Variants in NALF1 observed in about 807,000 individuals in gnomAD.
NALF1 encodes the protein NALCN channel auxiliary factor 1.
In NALF1, 3 loss-of-function variants were observed where a neutral mutation model predicts 48.4. That is an observed-to-expected ratio of 0.06 (90% CI 0.03 to 0.16). The LOEUF is 0.16. Ranked by LOEUF, NALF1 falls within the 10% of genes least tolerant of loss-of-function variation. The pLI is 1.00. For missense variants in NALF1, 526 were observed against 571.5 expected, an observed-to-expected ratio of 0.92 and a Z score of 0.81; for synonymous variants, 262 against 245.7, an observed-to-expected ratio of 1.07 and a Z score of -0.62.
intron 2 of NALF1, among the ~76,000 whole-genome samples, chr13:107,180,567 G>A (rs1879039841): frequency 6.6e-6 from 1 of 151,636 alleles, no homozygotes. Flanking sequence ...TTTTTCATCT[G>A]AAAAAAGAAG....
At chr13:107,399,980 A>G (rs1435814219) in intron 1 of NALF1, among the ~76,000 whole-genome samples, 3 of 152,200 alleles carry the variant, frequency 2.0e-5, no homozygotes, top group African/African-American at 4.8e-5. Flanking sequence ...TTCATTACAA[A>G]CAATCAGACA....
rs139917009 is a variant in NALF1, at chr13:107,170,510, G to C, written c.1364C>G (p.Thr455Ser). The change falls in exon 3 of 3, where the codon ACC becomes AGC. Residue 455 changes from threonine (T) to serine (S), a missense_variant. Physicochemically the swap from Thr to Ser is moderately conservative, Grantham distance 58. This residue lies in a region of NALF1 where 153 missense variants were observed against 215.9 expected (regional missense o/e 0.71). Coordinates refer to ENST00000375915, the MANE Select transcript of NALF1 (RefSeq NM_001080396.3). Reference sequence around the variant, plus strand: ...CTCGTCCTTCCGTTACTCCTCATTGGTTGAGTTTTCTTCCAGCGTGTTGAT... The same window carrying C: ...CTCGTCCTTCCGTTACTCCTCATTGCTTGAGTTTTCTTCCAGCGTGTTGAT... ...GGINTLEENSTNEE is the reference protein window; with the variant it reads ...GGINTLEENSSNEE The C allele has an allele frequency of 1.8e-5, 29 of 1,600,298 alleles. No individual in the cohort carries two copies. The highest frequency in any genetic ancestry group is 2.3e-5 in the Non-Finnish European group (27 of 1,171,156).
intron 1 of NALF1, among the ~76,000 whole-genome samples, chr13:107,540,875 G>C (rs1294298591): frequency 1.3e-5 from 2 of 152,104 alleles, no homozygotes; most frequent in Non-Finnish European, 2.9e-5. Context: ...ATTTAGAAAA[G>C]AGTAGATTCT....
chr13:107,255,108 CAT>C lies in NALF1; in HGVS notation c.916-44355_916-44354del, dbSNP rs776329443. ...AGGATCATAAGTGGTACATGGGAAACATGTGTCCATTTCACTTACAGACCTGC... is the reference window on the plus strand; with the variant it reads ...AGGATCATAAGTGGTACATGGGAAACGTGTCCATTTCACTTACAGACCTGC... On this transcript the variant is annotated intron_variant, in intron 1 of 2. Coordinates refer to ENST00000375915, the MANE Select transcript of NALF1 (RefSeq NM_001080396.3). Among the ~76,000 whole-genome samples, 13 of 152,278 alleles carry C rather than the reference CAT, an allele frequency of 8.5e-5. No individual in the cohort carries two copies. In the South Asian group the frequency reaches 1.0e-3, roughly 12 times the overall value.
chr13:107,713,836 A>T (rs1158452252), intron 1 of NALF1, among the ~76,000 whole-genome samples: 1 of 152,246 alleles, frequency 6.6e-6, no homozygotes, highest in Non-Finnish European at 1.5e-5. Context: ...CCTAATGCGC[A>T]AGTACAGCTC....
intron 1 of NALF1, among the ~76,000 whole-genome samples, chr13:107,520,963 A>G (rs183912981): frequency 6.6e-6 from 1 of 152,274 alleles, no homozygotes; most frequent in East Asian, 1.9e-4. Context: ...GTACCCAGTG[A>G]TCTATGCTTT....
chr13:107,311,899 C>A (rs7981369), intron 1 of NALF1, among the ~76,000 whole-genome samples: 37,759 of 151,768 alleles, frequency 0.25, 5,003 homozygotes, highest in Non-Finnish European at 0.28. Flanking sequence ...TTAGAATGGC[C>A]ATCATTAAAA....
chr13:107,241,051 T>TAAAA (rs34271681), intron 1 of NALF1, among the ~76,000 whole-genome samples: 61 of 66,006 alleles, frequency 9.2e-4, no homozygotes, highest in South Asian at 1.7e-3. Flanking sequence ...CCATATCTAC[T>TAAAA]AAAAAAAAAA....
intron 1 of NALF1, among the ~76,000 whole-genome samples, chr13:107,814,461 G>A (rs1260063644): frequency 2.0e-5 from 3 of 152,216 alleles, no homozygotes; most frequent in South Asian, 2.1e-4. Flanking sequence ...AATACAAATA[G>A]TTTAAAAGTA....
At chr13:107,288,702 T>A (rs1219151067) in intron 1 of NALF1, among the ~76,000 whole-genome samples, 1 of 151,406 alleles carries the variant, frequency 6.6e-6, no homozygotes, top group Non-Finnish European at 1.5e-5. Flanking sequence ...CGGCTAATTT[T>A]TTCTAGTTTT....
intron 1 of NALF1, among the ~76,000 whole-genome samples, chr13:107,292,600 T>C (rs1272534164): frequency 2.0e-5 from 3 of 152,212 alleles, no homozygotes; most frequent in Non-Finnish European, 4.4e-5. Flanking sequence ...CCTCCACTTC[T>C]TGTTCCACTG....
chr13:107,440,307 G>A (rs760037179), intron 1 of NALF1, among the ~76,000 whole-genome samples: 46 of 152,192 alleles, frequency 3.0e-4, no homozygotes, highest in Non-Finnish European at 5.6e-4. Flanking sequence ...AGCTGTGGAA[G>A]ATGAGAGAAA....
At chr13:107,817,884 G>A (rs1473449888) in intron 1 of NALF1, among the ~76,000 whole-genome samples, 1 of 152,032 alleles carries the variant, frequency 6.6e-6, no homozygotes, top group East Asian at 1.9e-4. Flanking sequence ...GCAGCCCAAA[G>A]GCTTTTGTTT....
chr13:107,260,586 G>A lies in NALF1; in HGVS notation c.916-49831C>T, dbSNP rs1372846077. 1.2e-4 allele frequency among the ~76,000 whole-genome samples: 19 copies of A among 152,252 alleles called. No homozygotes were observed. In the South Asian group the frequency reaches 2.3e-3, roughly 18 times the overall value. ...TTTCTTCCATTCCTTAATTTAACATGGAAGCAGTGATGCTTTGTAAACAGA... is the reference window on the plus strand; with the variant it reads ...TTTCTTCCATTCCTTAATTTAACATAGAAGCAGTGATGCTTTGTAAACAGA... On this transcript the variant is annotated intron_variant, in intron 1 of 2. Coordinates refer to ENST00000375915, the MANE Select transcript of NALF1 (RefSeq NM_001080396.3).
At chr13:107,409,206 A>G (rs1043564014) in intron 1 of NALF1, among the ~76,000 whole-genome samples, 4 of 152,194 alleles carry the variant, frequency 2.6e-5, no homozygotes, top group Non-Finnish European at 5.9e-5. Flanking sequence ...TGAAAAATCA[A>G]TTCAACATCA....
chr13:107,301,379 CA>C (rs1161429564), intron 1 of NALF1, among the ~76,000 whole-genome samples: 1 of 152,076 alleles, frequency 6.6e-6, no homozygotes, highest in African/African-American at 2.4e-5. Context: ...CAATGTAGTA[CA>C]AAATATAGGC....
chr13:107,772,149 G>T (rs1246858538), intron 1 of NALF1, among the ~76,000 whole-genome samples: 1 of 152,014 alleles, frequency 6.6e-6, no homozygotes, highest in Non-Finnish European at 1.5e-5. Context: ...CACACGTATC[G>T]TATCTAGGGT....
At chr13:107,488,981 G>C (rs1885373297) in intron 1 of NALF1, among the ~76,000 whole-genome samples, 1 of 152,034 alleles carries the variant, frequency 6.6e-6, no homozygotes, top group Non-Finnish European at 1.5e-5. Context: ...ACAAATAACA[G>C]TCAAGCTGAC....
At position 107,593,343 on chromosome 13, in the gene NALF1, T is replaced by C. The variant is rs1292795912; in HGVS notation, c.915+272339A>G. On this transcript the variant is annotated intron_variant, in intron 1 of 2. Transcript: ENST00000375915. ...AATCAAATATTTATCCATGGTTTTA[T>C]TATTTAATTTTTATGGCTACTTTTT... is the stretch of plus-strand genomic sequence containing the variant. 2.0e-5 allele frequency among the ~76,000 whole-genome samples: 3 copies of C among 152,074 alleles called. No individual in the cohort carries two copies. The South Asian group carries it at 6.2e-4, about 32-fold the overall frequency.
Sources: gnomAD v4.1 joint callset for allele counts (sites outside exome capture counted in the v4.1 genomes callset) on GRCh38, gnomAD v4.1.1 for gene constraint, gnomAD v4.1.1 regional missense constraint, MANE v1.5 for transcripts, NCBI Gene and HGNC (gene_info 2026-07-23, HGNC 2026-07-21) for gene names.